SLC60A1: variants seen among roughly 807,000 people sequenced by gnomAD.
The protein encoded by SLC60A1 is major facilitator superfamily domain containing 4.
chr1:205,600,314 A>G, the SLC60A1 span: 1 of 1,355,306 alleles, frequency 7.4e-7, no homozygotes, highest in Admixed American at 1.9e-5. Flanking sequence ...TGGCAGAGAA[A>G]CAAACAGCCT....
the SLC60A1 span, among the ~76,000 whole-genome samples, chr1:205,575,274 AAGG>A: frequency 1.3e-5 from 2 of 152,134 alleles, no homozygotes; most frequent in South Asian, 2.1e-4. Flanking sequence ...TCCTTCGAGG[AAGG>A]AGATTTTCCA....
At chr1:205,588,908 A>AG in the SLC60A1 span, among the ~76,000 whole-genome samples, 87 of 152,070 alleles carry the variant, frequency 5.7e-4, no homozygotes, top group African/African-American at 2.0e-3. Context: ...ATGGAGGGTG[A>AG]GGGTGTAGGC....
At chr1:205,584,746 C>A in the SLC60A1 span, 2 of 767,968 alleles carry the variant, frequency 2.6e-6, no homozygotes, top group Non-Finnish European at 4.5e-6. Flanking sequence ...ACAGAAAGGT[C>A]GTGAAAGTAG....
At chr1:205,590,923 G>T in the SLC60A1 span, among the ~76,000 whole-genome samples, 1 of 152,060 alleles carries the variant, frequency 6.6e-6, no homozygotes, top group Non-Finnish European at 1.5e-5. Flanking sequence ...CCACTCTTTA[G>T]TGTGGCTTTT....
the SLC60A1 span, among the ~76,000 whole-genome samples, chr1:205,572,135 C>A: frequency 6.6e-6 from 1 of 152,126 alleles, no homozygotes; most frequent in African/African-American, 2.4e-5. Context: ...AGGGCAGCAC[C>A]AGCTTGCTCA....
chr1:205,598,940 T>C, the SLC60A1 span: 9 of 697,320 alleles, frequency 1.3e-5, no homozygotes, highest in Non-Finnish European at 1.7e-5. Flanking sequence ...AGAGCAGGAC[T>C]TCGGCCTTCT....
chr1:205,585,883 C>T, the SLC60A1 span: 1 of 860,306 alleles, frequency 1.2e-6, no homozygotes, highest in Non-Finnish European at 1.7e-6. The surrounding 1 kb of genome is among the most constrained non-coding windows in gnomAD (Gnocchi z 4.2). Flanking sequence ...GTGGCCTTGA[C>T]TCCAAGCCCA....
At chr1:205,586,635 G>A in the SLC60A1 span, among the ~76,000 whole-genome samples, 10 of 151,902 alleles carry the variant, frequency 6.6e-5, no homozygotes, top group African/African-American at 9.7e-5. Flanking sequence ...TCCCACAACC[G>A]TCGGAATCAC....
the SLC60A1 span, chr1:205,584,954 C>T: frequency 1.9e-5 from 31 of 1,614,056 alleles, no homozygotes; most frequent in Middle Eastern, 4.9e-4. Context: ...ATCCACATCA[C>T]GGGCGCCCTG....
At chr1:205,584,168 G>C in the SLC60A1 span, 1 of 1,576,982 alleles carries the variant, frequency 6.3e-7, no homozygotes, top group Non-Finnish European at 8.6e-7. Context: ...TCATGTTGAG[G>C]CTTCCTTGGT....
At chr1:205,588,074 A>G in the SLC60A1 span, among the ~76,000 whole-genome samples, 1 of 152,178 alleles carries the variant, frequency 6.6e-6, no homozygotes. Context: ...AATTAAACAA[A>G]TACCCCAGGG....
chr1:205,570,510 A>T, the SLC60A1 span, among the ~76,000 whole-genome samples: 3 of 152,230 alleles, frequency 2.0e-5, no homozygotes, highest in Non-Finnish European at 4.4e-5. Flanking sequence ...TTGCTTCCAG[A>T]GCTGGTGGAA....
At chr1:205,597,373 G>GTTTTTTGTTTTTTTTTTTTTT in the SLC60A1 span, among the ~76,000 whole-genome samples, 3 of 37,228 alleles carry the variant, frequency 8.1e-5, no homozygotes, top group Non-Finnish European at 7.0e-5. Context: ...AACCTAGGTT[G>GTTTTTTGTTTTTTTTTTTTTT]TTTTTTTTTT....
At chr1:205,580,962 C>T in the SLC60A1 span, 24 of 1,596,756 alleles carry the variant, frequency 1.5e-5, no homozygotes, top group South Asian at 2.7e-4. This position sits in a 1 kb window ranked among gnomAD's most constrained non-coding sequence, Gnocchi z 5.0. Flanking sequence ...AGCTAGTGGA[C>T]AGTCCACACA....
the SLC60A1 span, chr1:205,592,333 C>A: frequency 6.5e-7 from 1 of 1,548,074 alleles, no homozygotes; most frequent in South Asian, 1.2e-5. Context: ...TCTAGCTGGG[C>A]GCCGCCGCCT....
At chr1:205,596,205 G>C in the SLC60A1 span, among the ~76,000 whole-genome samples, 3 of 152,288 alleles carry the variant, frequency 2.0e-5, no homozygotes, top group South Asian at 6.2e-4. Context: ...TTTTGCCAGT[G>C]ATCTATAAGA....
the SLC60A1 span, chr1:205,580,715 C>T: frequency 1.2e-6 from 2 of 1,613,982 alleles, no homozygotes; most frequent in Non-Finnish European, 8.5e-7. This position sits in a 1 kb window ranked among gnomAD's most constrained non-coding sequence, Gnocchi z 5.0. Flanking sequence ...TATTGCTGAC[C>T]CTTTCCTGTC....
chr1:205,572,390 A>G, the SLC60A1 span, among the ~76,000 whole-genome samples: 32 of 152,156 alleles, frequency 2.1e-4, no homozygotes, highest in African/African-American at 7.7e-4. Context: ...TCCCCTGCCC[A>G]TGCTTTCTTA....
At chr1:205,569,144 C>A in the SLC60A1 span, 1 of 1,536,052 alleles carries the variant, frequency 6.5e-7, no homozygotes, top group Non-Finnish European at 8.8e-7. Context: ...GGAGCGTCTT[C>A]TTCAGCTTCG....
Sources: allele counts gnomAD v4.1 joint callset (sites outside exome capture counted in the v4.1 genomes callset), GRCh38; gene constraint gnomAD v4.1.1; non-coding constraint Gnocchi (gnomAD v3.1); transcripts MANE v1.5; gene names NCBI Gene and HGNC (gene_info 2026-07-23, HGNC 2026-07-21).